MYH14: variants seen among roughly 807,000 people sequenced by gnomAD.
The protein encoded by MYH14 is myosin heavy chain 14, also known as myosin-14.
A neutral mutation model predicts 255.5 loss-of-function variants in MYH14; 123 were observed. The observed-to-expected ratio is 0.48, with a 90% CI of 0.42 to 0.56. The LOEUF is 0.56. Ranked by LOEUF, MYH14 falls within the 20% of genes least tolerant of loss-of-function variation. The pLI is 0.00. For synonymous variants in MYH14, 1,095 were observed against 1,161.2 expected, an observed-to-expected ratio of 0.94 and a Z score of 1.16; for missense variants, 2,423 against 2,802.3, an observed-to-expected ratio of 0.86 and a Z score of 3.06.
At position 50,210,779 on chromosome 19, in the gene MYH14, G is replaced by A. The variant is rs1324721493; in HGVS notation, c.405+9G>A. 15 of 1,559,424 alleles carry A rather than the reference G, an allele frequency of 9.6e-6. No individual in the cohort carries two copies. Among genetic ancestry groups the A allele is most frequent in the Non-Finnish European group, 1.3e-5 (15 of 1,154,870 alleles). On this transcript the variant is annotated intron_variant, in intron 2 of 42. Coordinates refer to ENST00000642316, the MANE Select transcript of MYH14 (RefSeq NM_001145809.2). Reference sequence around the variant, plus strand: ...ACTCCGGCCTCATCTACGTGAGTGGGCTCCTGCTGGGGGGCGCGTGCGGCG... The same window carrying A: ...ACTCCGGCCTCATCTACGTGAGTGGACTCCTGCTGGGGGGCGCGTGCGGCG...
rs1389511571 is a variant in MYH14, at chr19:50,260,847, G to A, written c.2424+132G>A. On this transcript the variant is annotated intron_variant, in intron 20 of 42. Coordinates refer to ENST00000642316, the MANE Select transcript of MYH14 (RefSeq NM_001145809.2). ...AGTGTGTGTGCATGCACGTGTGTGCGTGTGTGTGTGCATGCATATGTGTGC... is the reference window on the plus strand; with the variant it reads ...AGTGTGTGTGCATGCACGTGTGTGCATGTGTGTGTGCATGCATATGTGTGC... The A allele has an allele frequency of 8.5e-5, 58 of 682,456 alleles. 1 individual carries two copies. The highest frequency in any genetic ancestry group is 5.3e-4 in the Middle Eastern group (2 of 3,780). 42.3% of individuals were successfully genotyped at this position (682,456 alleles called of 1,614,324 possible).
At chr19:50,237,704 A>G (rs2033723098) in intron 10 of MYH14, among the ~76,000 whole-genome samples, 1 of 152,200 alleles carries the variant, frequency 6.6e-6, no homozygotes, top group African/African-American at 2.4e-5. Flanking sequence ...TTCCTCCAGC[A>G]TATACCTGGA....
At chr19:50,287,171 A>G (rs897441014) in intron 34 of MYH14, among the ~76,000 whole-genome samples, 3 of 152,200 alleles carry the variant, frequency 2.0e-5, no homozygotes, top group Non-Finnish European at 4.4e-5. Flanking sequence ...ATCCATATAG[A>G]CACACACAGC....
At chr19:50,251,527 C>CATATATATATACACACT (rs1568500513) in intron 15 of MYH14, among the ~76,000 whole-genome samples, 1 of 22,274 alleles carries the variant, frequency 4.5e-5, no homozygotes, top group African/African-American at 1.3e-4. Flanking sequence ...ACACTACACA[C>CATATATATATACACACT]ACACACACAC....
At position 50,276,903 on chromosome 19, in the gene MYH14, T is replaced by G. The variant is rs893114796; in HGVS notation, c.3825+2T>G. On this transcript the variant is annotated splice_donor_variant, in intron 29 of 42. Coordinates refer to ENST00000642316, the MANE Select transcript of MYH14 (RefSeq NM_001145809.2). LOFTEE classifies it high-confidence loss of function. The surrounding 1 kb of genome is among the most constrained non-coding windows in gnomAD (Gnocchi z 4.3). ...GAGCAGCTGGAGCAGGCCCGGAGGG[T>G]GGGTTGGGGCAGGGGGACAGGGCAG... 395 of 788,846 alleles carry G rather than the reference T, an allele frequency of 5.0e-4. No individual in the cohort carries two copies. The highest frequency in any genetic ancestry group is 2.4e-3 in the East Asian group (26 of 10,788). The allele number at this position is 788,846 out of a possible 1,614,324, so 48.9% of individuals were successfully genotyped here.
intron 34 of MYH14, among the ~76,000 whole-genome samples, chr19:50,288,280 C>G (rs866120444): frequency 2.0e-5 from 3 of 152,280 alleles, no homozygotes; most frequent in Admixed American, 6.5e-5. Context: ...TTCTAGGAGT[C>G]CAATGGGTGA....
intron 12 of MYH14, 55 bp from the exon 13 acceptor site, chr19:50,248,932 T>C: frequency 6.2e-7 from 1 of 1,602,126 alleles, no homozygotes; most frequent in East Asian, 2.2e-5. Flanking sequence ...ACCCCCGACG[T>C]CTTTCAGTCT....
At chr19:50,257,513 G>A (rs912467307) in intron 18 of MYH14, 27 bp downstream of exon 18, 7 of 1,574,034 alleles carry the variant, frequency 4.4e-6, no homozygotes, top group Non-Finnish European at 6.0e-6. Flanking sequence ...GGGGAGGAAG[G>A]GGTGGCTGTG....
intron 9 of MYH14, among the ~76,000 whole-genome samples, 194 bp from the exon 10 acceptor site, chr19:50,231,736 G>GAGAC (rs1165271473): frequency 1.5e-5 from 2 of 134,790 alleles, no homozygotes; most frequent in African/African-American, 5.4e-5. Flanking sequence ...AAAAAAAATA[G>GAGAC]AGACAGAGTG....
At chr19:50,281,918 G>C (rs1284712212) in intron 33 of MYH14, 76 bp downstream of exon 33, 1 of 1,505,478 alleles carries the variant, frequency 6.6e-7, no homozygotes, top group African/African-American at 1.4e-5. Flanking sequence ...TGAGGAACCA[G>C]TAATCCGTGC....
chr19:50,205,450 C>A (rs2123133411), intron 1 of MYH14: 1 of 152,448 alleles, frequency 6.6e-6, no homozygotes, highest in South Asian at 2.1e-4. Flanking sequence ...CCCTGTGACG[C>A]GACGGGGCCC....
Position 50,224,751 on chromosome 19 carries a change from C to G in MYH14, c.717+574C>G, listed in dbSNP as rs200902230. The G allele has an allele frequency of 4.0e-4, 182 of 455,016 alleles. 1 individual carries two copies. The East Asian group carries it at 0.012, about 30-fold the overall frequency. 28.2% of individuals were successfully genotyped at this position (455,016 alleles called of 1,614,324 possible). A position where few individuals can be genotyped will look rare whatever the true frequency, so the allele number is the denominator to read the frequency against. On this transcript the variant is annotated intron_variant, in intron 6 of 42. Transcript: ENST00000642316. Reference sequence around the variant, plus strand: ...CTAGGAACCCACTATTTTTTGAAGGCCTATTATATGCCAGACTGCTTGAAG... The same window carrying G: ...CTAGGAACCCACTATTTTTTGAAGGGCTATTATATGCCAGACTGCTTGAAG...
chr19:50,228,888 T>G (rs2033238858), intron 8 of MYH14, among the ~76,000 whole-genome samples: 1 of 151,998 alleles, frequency 6.6e-6, no homozygotes, highest in Non-Finnish European at 1.5e-5. Flanking sequence ...ATCGTATGAG[T>G]CTTGGGATGG....
rs1240446097 is a variant in MYH14, at chr19:50,247,232, G to A, written c.1329+110G>A. 3.9e-5 allele frequency: 29 copies of A among 748,608 alleles called. No individual in the cohort carries two copies. In the East Asian group the frequency reaches 7.9e-4, roughly 20 times the overall value. The allele number at this position is 748,608 out of a possible 1,614,324, so 46.4% of individuals were successfully genotyped here. ...ACCACTCAACAGACTTTTGCTGAGT[G>A]CCCGCTCCGTTACCGATCCTGGTCT... On this transcript the variant is annotated intron_variant, in intron 12 of 42. Coordinates refer to ENST00000642316, the MANE Select transcript of MYH14 (RefSeq NM_001145809.2).
rs1019298217 is a variant in MYH14 at position 50,293,436 on chromosome 19, C to T, written c.5345+115C>T. 110 of 1,531,216 alleles carry T rather than the reference C, an allele frequency of 7.2e-5. No homozygotes were observed. The highest frequency in any genetic ancestry group is 9.0e-5 in the Non-Finnish European group (101 of 1,127,698). 94.9% of individuals were successfully genotyped at this position (1,531,216 alleles called of 1,614,324 possible). On this transcript the variant is annotated intron_variant, in intron 38 of 42. Coordinates refer to ENST00000642316, the MANE Select transcript of MYH14 (RefSeq NM_001145809.2). The surrounding 1 kb of genome is among the most constrained non-coding windows in gnomAD (Gnocchi z 4.1). ...GAAACTGGGAGGTGGGCGGGGTTAA[C>T]CTCGGGGCCCCTGGGGTGTGAGGCT...
intron 10 of MYH14, among the ~76,000 whole-genome samples, chr19:50,237,581 G>T (rs976644960): frequency 6.6e-6 from 1 of 152,142 alleles, no homozygotes; most frequent in South Asian, 2.1e-4. Flanking sequence ...ACCCGCCTCC[G>T]CCTCCCAAAA....
In MYH14 at chr19:50,296,984, T is replaced by G. The variant is rs112666991; in HGVS notation, c.5469+3297T>G. ...ACAGGAATGTATTCTCTCTGTTTTT[T>G]TTTGTTTGTTTGTTTGTTTGAGATG... On this transcript the variant is annotated intron_variant, in intron 39 of 42. Transcript: ENST00000642316. Among the ~76,000 whole-genome samples the G allele has an allele frequency of 3.4e-3, 510 of 151,744 alleles. 3 individuals are homozygous for G. Among genetic ancestry groups the G allele is most frequent in the African/African-American group, 0.012 (483 of 41,402 alleles).
In MYH14 at chr19:50,211,815, C is replaced by CA. The variant is rs554010605; in HGVS notation, c.405+1059dup. Among the ~76,000 whole-genome samples, 298 of 123,036 alleles carry CA rather than the reference C, an allele frequency of 2.4e-3. 1 individual carries two copies. The highest frequency in any genetic ancestry group is 4.0e-3 in the East Asian group (17 of 4,276). The allele number at this position is 123,036 out of a possible 152,430, so 80.7% of individuals were successfully genotyped here. A position where few individuals can be genotyped will look rare whatever the true frequency, so the allele number is the denominator to read the frequency against. On this transcript the variant is annotated intron_variant, in intron 2 of 42. Transcript: ENST00000642316. ...TGGGCATGGCAAAACCCCATCCCTG[C>CA]AAAAAAAAAAAAAATACAATAAATT...
chr19:50,262,949 C>CA (rs2034940425), intron 21 of MYH14, among the ~76,000 whole-genome samples: 1 of 152,116 alleles, frequency 6.6e-6, no homozygotes, highest in Non-Finnish European at 1.5e-5. Flanking sequence ...CCTGTAATCT[C>CA]AGCACTTTGG....
Sources: allele counts gnomAD v4.1 joint callset (sites outside exome capture counted in the v4.1 genomes callset), GRCh38; gene constraint gnomAD v4.1.1; non-coding constraint Gnocchi (gnomAD v3.1); transcripts MANE v1.5; gene names NCBI Gene and HGNC (gene_info 2026-07-23, HGNC 2026-07-21).